Variants in ZDHHC23 observed in about 807,000 individuals in gnomAD.
ZDHHC23 encodes the protein palmitoyltransferase ZDHHC23.
A neutral mutation model predicts 40.2 loss-of-function variants in ZDHHC23; 41 were observed. The ratio of observed to expected loss-of-function variants is 1.02; its 90% confidence interval spans 0.79 to 1.32. The LOEUF is 1.32. ZDHHC23 is among the 40% of genes most tolerant of loss of function. The probability of loss-of-function intolerance (pLI) is 0.00; values close to 1 mark genes in which losing one functional copy is unlikely to be tolerated. For synonymous variants in ZDHHC23, 204 were observed against 210.2 expected (o/e 0.97, Z 0.26); for missense variants, 471 against 541.5 (o/e 0.87, Z 1.29).
In ZDHHC23 at chr3:113,960,747, C is replaced by T; in HGVS notation, c.*2117C>T. On this transcript the variant is annotated 3_prime_UTR_variant, in exon 5 of 5. Coordinates refer to ENST00000638807, the MANE Select transcript of ZDHHC23 (RefSeq NM_001320466.2). ...TTACTTGGATGAGCCAACTCCGCTT[C>T]CTTCCCATGGATAGGAAGGGACTCT... The T allele has an allele frequency of 6.4e-7, 1 of 1,565,574 alleles. No homozygotes were observed. The highest frequency in any genetic ancestry group is 8.6e-7 in the Non-Finnish European group (1 of 1,162,726).
In ZDHHC23 at chr3:113,953,764, C is replaced by T. The variant is rs746811768; in HGVS notation, c.226C>T (p.Arg76Cys). 8.7e-6 allele frequency: 14 copies of T among 1,614,164 alleles called. No homozygotes were observed. The highest frequency in any genetic ancestry group is 1.2e-5 in the Non-Finnish European group (14 of 1,180,030). ...CERIMDTISD[R>C]LRIPWLRGAK... ...AAGAATCATGGATACAATTTCTGAT[C>T]GCCTCCGAATTCCTTGGCTTAGGGG... Residue 76 changes from arginine to cysteine, a missense_variant, in exon 3 of 5, where the codon CGC becomes TGC. Physicochemically the swap from Arg to Cys is radical, Grantham distance 180 (BLOSUM62 -3). This residue lies in a region of ZDHHC23 where 42 missense variants were observed against 73.9 expected (regional missense o/e 0.57). Transcript: ENST00000638807.
chr3:113,949,819 G>A (rs1938493219), intron 2 of ZDHHC23, among the ~76,000 whole-genome samples: 1 of 152,156 alleles, frequency 6.6e-6, no homozygotes, highest in Non-Finnish European at 1.5e-5. Context: ...ATTCCCTGGG[G>A]TCTGCAGTCT....
chr3:113,974,755 T>TTTAA, the ZDHHC23 span, among the ~76,000 whole-genome samples: 1 of 152,210 alleles, frequency 6.6e-6, no homozygotes, highest in African/African-American at 2.4e-5. Flanking sequence ...AATTTACCTG[T>TTTAA]TTAATTTCTT....
chr3:113,963,574 CAAAA>C (rs10526433), downstream of ZDHHC23, among the ~76,000 whole-genome samples: 1 of 50,768 alleles, frequency 2.0e-5, no homozygotes, highest in Non-Finnish European at 3.5e-5. Context: ...CCATCTCTAC[CAAAA>C]AAAAAAAAAA....
At chr3:113,949,679 C>T (rs775076930) in intron 2 of ZDHHC23, among the ~76,000 whole-genome samples, 1 of 152,156 alleles carries the variant, frequency 6.6e-6, no homozygotes, top group African/African-American at 2.4e-5. Context: ...CAATGGAAGT[C>T]ATAATGTGGG....
Position 113,960,901 on chromosome 3 carries a change from G to C in ZDHHC23, c.*2271G>C. On this transcript the variant is annotated 3_prime_UTR_variant, in exon 5 of 5. Coordinates refer to ENST00000638807, the MANE Select transcript of ZDHHC23 (RefSeq NM_001320466.2). Reference sequence around the variant, plus strand: ...ATCTTGTGTGGGAAAAGCCTTCCCAGGCGTCTGTACCGAAAGGAGCAGCAA... The same window carrying C: ...ATCTTGTGTGGGAAAAGCCTTCCCACGCGTCTGTACCGAAAGGAGCAGCAA... 2 of 1,070,152 alleles carry C rather than the reference G, an allele frequency of 1.9e-6. No homozygotes were observed. The highest frequency in any genetic ancestry group is 2.6e-6 in the Non-Finnish European group (2 of 784,236). The allele number at this position is 1,070,152 out of a possible 1,614,324, so 66.3% of individuals were successfully genotyped here. A position where few individuals can be genotyped will look rare whatever the true frequency, so the allele number is the denominator to read the frequency against.
At chr3:113,953,217 A>G (rs141339486) in intron 2 of ZDHHC23, among the ~76,000 whole-genome samples, 33 of 152,314 alleles carry the variant, frequency 2.2e-4, no homozygotes, top group South Asian at 2.1e-3. Flanking sequence ...CTGGACATCA[A>G]GGTTGAGCAC....
chr3:113,965,767 G>C (rs1422337279), downstream of ZDHHC23, among the ~76,000 whole-genome samples: 1 of 150,966 alleles, frequency 6.6e-6, no homozygotes, highest in African/African-American at 2.4e-5. Context: ...TTTTTTTTTT[G>C]TATTTTTATT....
At chr3:113,950,203 A>T (rs1436822965) in intron 2 of ZDHHC23, among the ~76,000 whole-genome samples, 1 of 152,192 alleles carries the variant, frequency 6.6e-6, no homozygotes, top group Non-Finnish European at 1.5e-5. Context: ...CTTACCTTTA[A>T]AAATTGTCTA....
chr3:113,976,326 T>C, the ZDHHC23 span, among the ~76,000 whole-genome samples: 1 of 148,290 alleles, frequency 6.7e-6, no homozygotes, highest in African/African-American at 2.5e-5. Context: ...ATTAGAAAAA[T>C]GGGGAGGAAG....
At chr3:113,971,600 T>G in the ZDHHC23 span, among the ~76,000 whole-genome samples, 1 of 152,220 alleles carries the variant, frequency 6.6e-6, no homozygotes, top group East Asian at 1.9e-4. Flanking sequence ...TTGAAGATTT[T>G]GCATTTGTGT....
chr3:113,956,157 G>A (rs1285177567), intron 3 of ZDHHC23, among the ~76,000 whole-genome samples, 182 bp from the exon 4 acceptor site: 1 of 152,162 alleles, frequency 6.6e-6, no homozygotes, highest in African/African-American at 2.4e-5. Context: ...CAGGAGAATT[G>A]CTTAACCGGG....
In ZDHHC23 at chr3:113,960,825, A is replaced by G. The variant is rs1461387717; in HGVS notation, c.*2195A>G. 3 of 1,494,030 alleles carry G rather than the reference A, an allele frequency of 2.0e-6. No homozygotes were observed. Among genetic ancestry groups the G allele is most frequent in the Non-Finnish European group, 2.7e-6 (3 of 1,127,254 alleles). 92.5% of individuals were successfully genotyped at this position (1,494,030 alleles called of 1,614,324 possible). The stretch of plus-strand genomic sequence containing the variant: ...AGATACTTGTTTTAAGTTCCTTGAG[A>G]ACCCATGATGGACAGTTGACAGAAT... On this transcript the variant is annotated 3_prime_UTR_variant, in exon 5 of 5. Coordinates refer to ENST00000638807, the MANE Select transcript of ZDHHC23 (RefSeq NM_001320466.2).
At chr3:113,970,326 A>G (rs1033121422), downstream of ZDHHC23, among the ~76,000 whole-genome samples, 1 of 151,908 alleles carries the variant, frequency 6.6e-6, no homozygotes, top group African/African-American at 2.4e-5. Flanking sequence ...TTCCTTTTCA[A>G]TTTGGATACA....
Position 113,953,038 on chromosome 3 carries a change from C to T in ZDHHC23, c.162-662C>T, listed in dbSNP as rs74757982. 9.9e-3 allele frequency among the ~76,000 whole-genome samples: 1,504 copies of T among 152,342 alleles called. 21 individuals carry two copies. The highest frequency in any genetic ancestry group is 0.034 in the African/African-American group (1,402 of 41,570). On this transcript the variant is annotated intron_variant, in intron 2 of 4. Transcript: ENST00000638807. ...AACAGTCAACCAATATCATTCCATT[C>T]ACCAAGTTCAGTGATTTGACTCATA...
At chr3:113,976,648 A>C in the ZDHHC23 span, among the ~76,000 whole-genome samples, 1 of 152,160 alleles carries the variant, frequency 6.6e-6, no homozygotes, top group Non-Finnish European at 1.5e-5. Flanking sequence ...ACTAAAAAAA[A>C]AAAAAAGGTT....
downstream of ZDHHC23, among the ~76,000 whole-genome samples, chr3:113,967,864 T>C: frequency 6.6e-6 from 1 of 152,172 alleles, no homozygotes; most frequent in East Asian, 1.9e-4. Flanking sequence ...ATTTTTTAGC[T>C]CTCCCACATG....
At chr3:113,978,206 A>G in the ZDHHC23 span, 1 of 1,614,064 alleles carries the variant, frequency 6.2e-7, no homozygotes, top group Non-Finnish European at 8.5e-7. Flanking sequence ...GCTCCGCTGC[A>G]ATCTCATGCT....
At chr3:113,977,161 G>A in the ZDHHC23 span, among the ~76,000 whole-genome samples, 10 of 152,246 alleles carry the variant, frequency 6.6e-5, no homozygotes, top group South Asian at 4.1e-4. Flanking sequence ...GCCGGGTGTC[G>A]TGGTGTGTGC....
Sources: allele counts gnomAD v4.1 joint callset (sites outside exome capture counted in the v4.1 genomes callset), GRCh38; gene constraint gnomAD v4.1.1; regional missense constraint gnomAD v4.1.1; transcripts MANE v1.5; gene names NCBI Gene and HGNC (gene_info 2026-07-23, HGNC 2026-07-21).